The following NDUFAF7 variants were observed in gnomAD, a reference collection of about 807,000 sequenced individuals.
The protein encoded by NDUFAF7 is NADH:ubiquinone oxidoreductase complex assembly factor 7.
Under a neutral mutation model 47.2 loss-of-function variants are expected in NDUFAF7, and 48 were observed. The ratio of observed to expected loss-of-function variants is 1.02; its 90% CI spans 0.81 to 1.29. NDUFAF7 has a LOEUF of 1.29. NDUFAF7 is among the 50% of genes most tolerant of loss of function. The pLI is 0.00. For missense variants in NDUFAF7, 635 were observed against 537.6 expected, an observed-to-expected ratio of 1.18 and a Z score of -1.79; for synonymous variants, 217 against 190.0, an observed-to-expected ratio of 1.14 and a Z score of -1.17.
At chr2:37,241,041 T>C (rs1363159248) in intron 4 of NDUFAF7, among the ~76,000 whole-genome samples, 1 of 152,230 alleles carries the variant, frequency 6.6e-6, no homozygotes, top group Non-Finnish European at 1.5e-5. Context: ...CCTTAAAAGA[T>C]TGGTAAAATA....
chr2:37,266,927 C>T, the NDUFAF7 span, among the ~76,000 whole-genome samples: 2 of 152,232 alleles, frequency 1.3e-5, no homozygotes, highest in African/African-American at 2.4e-5. Context: ...TCTAGATGAC[C>T]GCCCCCAAGG....
Position 37,237,817 on chromosome 2 carries a change from C to A in NDUFAF7, c.358C>A (p.Leu120Met). 5 of 1,613,700 alleles carry A rather than the reference C, an allele frequency of 3.1e-6. No individual in the cohort carries two copies. Among genetic ancestry groups the A allele is most frequent in the Non-Finnish European group, 4.2e-6 (5 of 1,179,802 alleles). The change falls in exon 4 of 10, where the codon CTG becomes ATG. Residue 120 changes from leucine to methionine, a missense_variant. By Grantham distance (15) the Leu-to-Met change is conservative. Transcript: ENST00000002125. Reference protein sequence around the residue: ...MATGKSTAFQLVELGPGRGTL... With the variant: ...MATGKSTAFQMVELGPGRGTL... ...CACTGGAAAAAGCACAGCTTTCCAG[C>A]TGGTGGAACTGGGCCCAGGTAGGGG...
chr2:37,242,486 T>C (rs1666457196), intron 5 of NDUFAF7, 149 bp from the exon 6 acceptor site: 1 of 647,788 alleles, frequency 1.5e-6, no homozygotes, highest in Middle Eastern at 4.2e-4. Flanking sequence ...TGTTCTATGT[T>C]CTGCAGTGTA....
downstream of NDUFAF7, chr2:37,254,358 A>T: frequency 1.7e-6 from 2 of 1,208,596 alleles, no homozygotes; most frequent in Non-Finnish European, 2.5e-6. Context: ...GTGACTGCCT[A>T]GAAGGCAGTT....
chr2:37,252,189 A>G (rs1036375064), downstream of NDUFAF7: 3 of 152,196 alleles, frequency 2.0e-5, no homozygotes, highest in Non-Finnish European at 2.9e-5. Context: ...GGGGAAGGAG[A>G]AAAAAGGATA....
At chr2:37,238,836 G>C (rs1353913935) in intron 4 of NDUFAF7, among the ~76,000 whole-genome samples, 1 of 145,196 alleles carries the variant, frequency 6.9e-6, no homozygotes, top group Non-Finnish European at 1.5e-5. Context: ...CAGATAACTT[G>C]AGAAAAATCA....
At chr2:37,242,720 C>G (rs998074254) in intron 6 of NDUFAF7, 27 bp downstream of exon 6, 2 of 1,526,028 alleles carry the variant, frequency 1.3e-6, no homozygotes, top group African/African-American at 2.7e-5. Context: ...AAAGTCATGT[C>G]TATAATTGAA....
At chr2:37,256,948 T>C (rs7561336), downstream of NDUFAF7, 7,319 of 1,613,308 alleles carry the variant, frequency 4.5e-3, 266 homozygotes, top group African/African-American at 0.082. Context: ...TGAAGGATGA[T>C]GTTAATTTTG....
chr2:37,250,862 C>T (rs1046927), downstream of NDUFAF7: 3,789 of 152,666 alleles, frequency 0.025, 64 homozygotes, highest in South Asian at 0.041. Context: ...TTTACAAACA[C>T]GACTTAAAGA....
At chr2:37,234,163 C>T (rs1205109135) in intron 2 of NDUFAF7, among the ~76,000 whole-genome samples, 1 of 152,152 alleles carries the variant, frequency 6.6e-6, no homozygotes, top group Non-Finnish European at 1.5e-5. Context: ...AATCTTGGCT[C>T]ACTGCAACCT....
rs1369526526 is a variant in NDUFAF7 at position 37,248,761 on chromosome 2, A to C, written c.*411A>C. 1 of 256,778 alleles carries C rather than the reference A, an allele frequency of 3.9e-6. No homozygotes were observed. Among genetic ancestry groups the C allele is most frequent in the African/African-American group, 2.3e-5 (1 of 44,176 alleles). 15.9% of individuals were successfully genotyped at this position (256,778 alleles called of 1,614,324 possible). Reference sequence around the variant, plus strand: ...GAAACCCCATCTCTACTAAAAATACAAAACTAGCCGGGTATGGTGGTACAT... The same window carrying C: ...GAAACCCCATCTCTACTAAAAATACCAAACTAGCCGGGTATGGTGGTACAT... On this transcript the variant is annotated 3_prime_UTR_variant, in exon 10 of 10. Transcript: ENST00000002125.
In NDUFAF7 at chr2:37,236,080, T is replaced by A; in HGVS notation, c.217-16T>A. Reference sequence around the variant, plus strand: ...TGAAAATTAATTTTGTTTCTCTATTTTCTCTTTTTACTCAGGGTTATTATG... The same window carrying A: ...TGAAAATTAATTTTGTTTCTCTATTATCTCTTTTTACTCAGGGTTATTATG... On this transcript the variant is annotated splice_polypyrimidine_tract_variant and intron_variant, in intron 2 of 9. Transcript: ENST00000002125. The A allele has an allele frequency of 6.3e-7, 1 of 1,598,218 alleles. No homozygotes were observed. The highest frequency in any genetic ancestry group is 1.1e-5 in the South Asian group (1 of 90,728).
At chr2:37,247,353 C>A in intron 8 of NDUFAF7, 103 bp from the exon 9 acceptor site, 1 of 1,363,470 alleles carries the variant, frequency 7.3e-7, no homozygotes, top group Non-Finnish European at 1.0e-6. Context: ...TCTATTCCGT[C>A]ACCTCAAGCA....
chr2:37,247,551 A>C lies in NDUFAF7; in HGVS notation c.1032A>C (p.Ala344=), dbSNP rs146847439. Residue 344 remains alanine, a synonymous_variant, in exon 9 of 10, where the codon GCA becomes GCC. Coordinates refer to ENST00000002125, the MANE Select transcript of NDUFAF7 (RefSeq NM_144736.5). ...ACTTCAGTTATTTGCGAAGAATGGCACAGGGAAAAGTAGCCTCTCTGGGCC... is the reference window on the plus strand; with the variant it reads ...ACTTCAGTTATTTGCGAAGAATGGCCCAGGGAAAAGTAGCCTCTCTGGGCC... ...DVDFSYLRRM[A]QGKVASLGPI... 5 of 1,613,994 alleles carry C rather than the reference A, an allele frequency of 3.1e-6. No homozygotes were observed. In the African/African-American group the frequency reaches 6.7e-5, roughly 22 times the overall value.
At chr2:37,248,108 T>A in intron 9 of NDUFAF7, 27 bp from the exon 10 acceptor site, 1 of 1,559,152 alleles carries the variant, frequency 6.4e-7, no homozygotes, top group Non-Finnish European at 8.8e-7. Context: ...TTCTGGTTAT[T>A]TTTGCTAAGA....
chr2:37,267,687 T>A, the NDUFAF7 span: 1 of 608,976 alleles, frequency 1.6e-6, no homozygotes, highest in Non-Finnish European at 2.8e-6. Context: ...TCACCTTTAA[T>A]TTAGGAAAAA....
chr2:37,242,771 CAG>C, intron 6 of NDUFAF7, 78 bp downstream of exon 6: 1 of 1,163,250 alleles, frequency 8.6e-7, no homozygotes, highest in African/African-American at 1.5e-5. Context: ...GGTATTTATT[CAG>C]TATACAAATT....
At chr2:37,253,073 CAT>C, downstream of NDUFAF7, 2 of 1,192,962 alleles carry the variant, frequency 1.7e-6, no homozygotes, top group Non-Finnish European at 2.3e-6. Context: ...CATATTTCTT[CAT>C]ATCTTTGCAG....
At chr2:37,252,251 TA>T (rs1371390145), downstream of NDUFAF7, 1 of 152,170 alleles carries the variant, frequency 6.6e-6, no homozygotes, top group African/African-American at 2.4e-5. Flanking sequence ...CTGGCCCTGC[TA>T]AAAAGCAGAA....
Sources: gnomAD v4.1 joint callset for allele counts (sites outside exome capture counted in the v4.1 genomes callset) on GRCh38, gnomAD v4.1.1 for gene constraint, MANE v1.5 for transcripts, NCBI Gene and HGNC (gene_info 2026-07-23, HGNC 2026-07-21) for gene names.